Variants in BACE2 observed in about 807,000 individuals in gnomAD.
BACE2 encodes 56 kDa aspartic-like protease.
In BACE2, 17 loss-of-function variants were observed where a neutral mutation model predicts 46.2. The ratio of observed to expected loss-of-function variants is 0.37; its 90% CI spans 0.25 to 0.55. The LOEUF (loss-of-function observed/expected upper bound fraction) is 0.55. Ranked by LOEUF, BACE2 falls within the 20% of genes least tolerant of loss-of-function variation. The pLI is 0.82. For synonymous variants in BACE2, 277 were observed against 295.9 expected, an observed-to-expected ratio of 0.94 and a Z score of 0.66; for missense variants, 595 against 698.1, an observed-to-expected ratio of 0.85 and a Z score of 1.66.
intron 6 of BACE2, among the ~76,000 whole-genome samples, chr21:41,248,486 G>A (rs548627319): frequency 6.6e-5 from 10 of 152,256 alleles, no homozygotes; most frequent in African/African-American, 2.4e-4. Flanking sequence ...CTGCAGACCT[G>A]GCCACCGAAA....
At chr21:41,174,669 C>T (rs1024649804) in intron 1 of BACE2, among the ~76,000 whole-genome samples, 7 of 152,118 alleles carry the variant, frequency 4.6e-5, no homozygotes, top group Admixed American at 2.6e-4. Flanking sequence ...GACTCTTGCC[C>T]CAACCCCACA....
At chr21:41,169,954 T>C (rs1984545723) in intron 1 of BACE2, among the ~76,000 whole-genome samples, 1 of 152,192 alleles carries the variant, frequency 6.6e-6, no homozygotes, top group African/African-American at 2.4e-5. Context: ...TGGGAACATG[T>C]GCCTGGTGCT....
Position 41,172,385 on chromosome 21 carries a change from C to T in BACE2, c.312+3810C>T, listed in dbSNP as rs370466817. 3.0e-4 allele frequency among the ~76,000 whole-genome samples: 45 copies of T among 152,322 alleles called. 1 individual carries two copies. In the East Asian group the frequency reaches 7.9e-3, roughly 27 times the overall value. ...TGGAGTGTTGGACACTCAAAGGGCA[C>T]GTGAAGCCCTGTGCGTGGCTCACCT... On this transcript the variant is annotated intron_variant, in intron 1 of 8. Transcript: ENST00000330333.
At chr21:41,263,885 T>C (rs1011104053) in intron 8 of BACE2, among the ~76,000 whole-genome samples, 1 of 152,254 alleles carries the variant, frequency 6.6e-6, no homozygotes, top group East Asian at 1.9e-4. Flanking sequence ...CTCATGACTT[T>C]TGTCATCAAT....
chr21:41,227,005 G>T (rs189137683), intron 2 of BACE2, among the ~76,000 whole-genome samples: 37 of 152,346 alleles, frequency 2.4e-4, no homozygotes, highest in Non-Finnish European at 4.1e-4. Context: ...TGCCCATGCA[G>T]GCTTCCGAGC....
rs1568883877 is a variant in BACE2 at position 41,243,893 on chromosome 21, A to C, written c.882+383A>C. Among the ~76,000 whole-genome samples the C allele has an allele frequency of 1.4e-5, 2 of 143,740 alleles. 1 individual carries two copies. Among genetic ancestry groups the C allele is most frequent in the East Asian group, 3.9e-4 (2 of 5,168 alleles). The allele number at this position is 143,740 out of a possible 152,430, so 94.3% of individuals were successfully genotyped here. On this transcript the variant is annotated intron_variant, in intron 5 of 8. Coordinates refer to ENST00000330333, the MANE Select transcript of BACE2 (RefSeq NM_012105.5). The stretch of plus-strand genomic sequence containing the variant: ...CAGAGAAGGACGAAAATTAAGCAAA[A>C]TGAAACCGAAAAGATCATCAGCTTT...
intron 4 of BACE2, 118 bp from the exon 5 acceptor site, chr21:41,243,258 C>T (rs920609133): frequency 1.8e-5 from 15 of 818,556 alleles, no homozygotes; most frequent in African/African-American, 1.8e-5. Context: ...GACATTGTCA[C>T]GAAGTAGAAG....
At chr21:41,236,824 G>A (rs943170142) in intron 2 of BACE2, among the ~76,000 whole-genome samples, 1 of 152,254 alleles carries the variant, frequency 6.6e-6, no homozygotes, top group Non-Finnish European at 1.5e-5. Flanking sequence ...GGCCAGGCAG[G>A]TGCCAGATTG....
intron 1 of BACE2, chr21:41,186,288 T>C (rs1407169353): frequency 6.6e-6 from 1 of 152,148 alleles, no homozygotes; most frequent in Non-Finnish European, 1.5e-5. Flanking sequence ...GAGCAGTGGG[T>C]CCCACACGAG....
chr21:41,216,552 G>A (rs1344200890), intron 1 of BACE2, among the ~76,000 whole-genome samples: 2 of 152,248 alleles, frequency 1.3e-5, no homozygotes, highest in Non-Finnish European at 2.9e-5. Context: ...CCCTGCCTCT[G>A]CGGAGGAGTG....
At chr21:41,273,471 A>C (rs1453017088) in intron 8 of BACE2, among the ~76,000 whole-genome samples, 1 of 152,198 alleles carries the variant, frequency 6.6e-6, no homozygotes, top group Admixed American at 6.5e-5. Context: ...TCCTGCTGAG[A>C]AAAATAATTC....
intron 1 of BACE2, among the ~76,000 whole-genome samples, chr21:41,220,937 G>A (rs924050721): frequency 2.0e-5 from 3 of 150,898 alleles, no homozygotes. Flanking sequence ...ACTCATGCCT[G>A]TAATCCCAGC....
chr21:41,221,550 G>C (rs1377110796), intron 1 of BACE2, among the ~76,000 whole-genome samples: 1 of 152,198 alleles, frequency 6.6e-6, no homozygotes, highest in Non-Finnish European at 1.5e-5. Context: ...TGTCGGCCGG[G>C]CGCGGTGGCT....
Position 41,257,213 on chromosome 21 carries a change from G to A in BACE2, c.1190G>A (p.Gly397Asp), listed in dbSNP as rs1300535996. ...AGLNYECYRF[G>D]ISPSTNALVI... ...CTGAATTATGAATGTTACCGATTCG[G>A]CATTTCCCCATCCACAAATGCGCTG... Residue 397 changes from glycine (G) to aspartate (D), a missense_variant, in exon 8 of 9, where the codon GGC becomes GAC. Transcript: ENST00000330333. 14 of 1,614,054 alleles carry A rather than the reference G, an allele frequency of 8.7e-6. No individual in the cohort carries two copies. The highest frequency in any genetic ancestry group is 1.2e-5 in the Non-Finnish European group (14 of 1,180,056).
chr21:41,253,378 G>A (rs1987693008), intron 7 of BACE2, among the ~76,000 whole-genome samples: 2 of 149,104 alleles, frequency 1.3e-5, no homozygotes, highest in South Asian at 4.2e-4. Flanking sequence ...GGAGGCAGAG[G>A]TTGCAGTGAG....
At chr21:41,242,314 G>A (rs1987322406) in intron 4 of BACE2, among the ~76,000 whole-genome samples, 1 of 151,118 alleles carries the variant, frequency 6.6e-6, no homozygotes, top group East Asian at 2.0e-4. Context: ...AATTTGGCAG[G>A]GAAACAGGGG....
intron 1 of BACE2, among the ~76,000 whole-genome samples, chr21:41,225,151 G>C (rs1358125248): frequency 6.6e-6 from 1 of 151,610 alleles, no homozygotes; most frequent in Admixed American, 6.6e-5. Context: ...GGAGAATGAC[G>C]TGAACCTGGG....
chr21:41,192,273 G>C (rs944861628), intron 1 of BACE2, among the ~76,000 whole-genome samples: 3 of 152,234 alleles, frequency 2.0e-5, no homozygotes, highest in African/African-American at 7.2e-5. Flanking sequence ...CATCAGTGCA[G>C]GCTAAGGGAG....
At chr21:41,204,121 A>G (rs1285370804) in intron 1 of BACE2, among the ~76,000 whole-genome samples, 1 of 152,182 alleles carries the variant, frequency 6.6e-6, no homozygotes, top group Non-Finnish European at 1.5e-5. Flanking sequence ...GGTTCAAGCA[A>G]TTCTCCTGCT....
Sources: allele counts gnomAD v4.1 joint callset (sites outside exome capture counted in the v4.1 genomes callset), GRCh38; gene constraint gnomAD v4.1.1; transcripts MANE v1.5; gene names NCBI Gene and HGNC (gene_info 2026-07-23, HGNC 2026-07-21).